The following SLC25A31 variants were observed in gnomAD, a reference collection of about 807,000 sequenced individuals.
SLC25A31 encodes solute carrier family 25 member 31, also known as ADP/ATP translocase 4.
Under a neutral mutation model 36.2 loss-of-function variants are expected in SLC25A31, and 40 were observed. The ratio of observed to expected loss-of-function variants is 1.10; its 90% CI spans 0.86 to 1.44. SLC25A31 has a LOEUF of 1.44. Among genes scored for constraint, SLC25A31 ranks in the 40% most tolerant of loss-of-function variants. The pLI is 0.00. For missense variants in SLC25A31, 350 were observed against 397.1 expected, an observed-to-expected ratio of 0.88 and a Z score of 1.01; for synonymous variants, 143 against 149.7, an observed-to-expected ratio of 0.96 and a Z score of 0.32.
Position 127,744,690 on chromosome 4 carries a change from G to T in SLC25A31, c.251G>T (p.Arg84Leu). 6.3e-7 allele frequency: 1 copy of T among 1,596,738 alleles called. No homozygotes were observed. The highest frequency in any genetic ancestry group is 8.5e-7 in the Non-Finnish European group (1 of 1,171,740). ...TCTGTAGGTTTCTTCAGTTTTTGGC[G>T]TGGCAATTTGGCAAATGTTATTCGG... ...PREQGFFSFW[R>L]GNLANVIRYF... The change falls in exon 2 of 6, where the codon CGT becomes CTT. Residue 84 changes from arginine to leucine, a missense_variant. Transcript: ENST00000281154.
At chr4:127,766,165 T>G (rs1283910500) in intron 3 of SLC25A31, among the ~76,000 whole-genome samples, 1 of 151,062 alleles carries the variant, frequency 6.6e-6, no homozygotes, top group Non-Finnish European at 1.5e-5. Flanking sequence ...TTTTTTTTTG[T>G]TTTTTGTTTT....
chr4:127,744,563 A>G (rs1731788163), intron 1 of SLC25A31, 109 bp from the exon 2 acceptor site: 3 of 966,812 alleles, frequency 3.1e-6, no homozygotes, highest in Admixed American at 5.8e-5. Context: ...TATTTTTCTC[A>G]TAAGAAAGAG....
At chr4:127,752,238 C>T (rs1016132001) in intron 2 of SLC25A31, among the ~76,000 whole-genome samples, 3 of 152,076 alleles carry the variant, frequency 2.0e-5, no homozygotes, top group African/African-American at 7.2e-5. Flanking sequence ...ACTATGCAGC[C>T]ATAAAAAATG....
chr4:127,769,687 C>A (rs1732314405), intron 5 of SLC25A31, among the ~76,000 whole-genome samples: 1 of 152,148 alleles, frequency 6.6e-6, no homozygotes, highest in Admixed American at 6.5e-5. Flanking sequence ...TTGAAGACAG[C>A]AGTTAATGGT....
At chr4:127,773,266 C>A in intron 5 of SLC25A31, 120 bp from the exon 6 acceptor site, 1 of 833,754 alleles carries the variant, frequency 1.2e-6, no homozygotes, top group Non-Finnish European at 1.8e-6. Context: ...CCATATATGC[C>A]TATTAACACA....
chr4:127,753,577 C>T lies in SLC25A31; in HGVS notation c.360+8778C>T, dbSNP rs7668793. On this transcript the variant is annotated intron_variant, in intron 2 of 5. Transcript: ENST00000281154. ...TTTATATGCCAAGTAATTATGTAGCCTGGAAGAAATGGATAAATTCATAGA... is the reference window on the plus strand; with the variant it reads ...TTTATATGCCAAGTAATTATGTAGCTTGGAAGAAATGGATAAATTCATAGA... 3.0e-3 allele frequency among the ~76,000 whole-genome samples: 463 copies of T among 152,114 alleles called. 4 individuals carry two copies. Among genetic ancestry groups the T allele is most frequent in the African/African-American group, 0.011 (447 of 41,528 alleles).
At chr4:127,753,925 A>G (rs1488646530) in intron 2 of SLC25A31, among the ~76,000 whole-genome samples, 5 of 152,148 alleles carry the variant, frequency 3.3e-5, no homozygotes, top group Non-Finnish European at 7.4e-5. Flanking sequence ...AGAAAATACT[A>G]GCAAACTGAA....
At chr4:127,766,636 T>A (rs1732250634) in intron 3 of SLC25A31, among the ~76,000 whole-genome samples, 1 of 152,094 alleles carries the variant, frequency 6.6e-6, no homozygotes. Flanking sequence ...TAATTTTTTT[T>A]ATTTTTTGTA....
intron 2 of SLC25A31, among the ~76,000 whole-genome samples, chr4:127,750,992 G>A (rs1330754115): frequency 2.0e-5 from 3 of 152,120 alleles, no homozygotes; most frequent in Admixed American, 6.6e-5. Flanking sequence ...TTGCCTATAA[G>A]AGGCTTACTT....
At chr4:127,734,536 G>T (rs2148752060) in intron 1 of SLC25A31, among the ~76,000 whole-genome samples, 1 of 139,328 alleles carries the variant, frequency 7.2e-6, no homozygotes, top group African/African-American at 2.7e-5. Context: ...CTCCATCCTG[G>T]GTACAGAGGA....
chr4:127,735,896 A>ATT (rs70966054), intron 1 of SLC25A31, among the ~76,000 whole-genome samples: 5 of 74,590 alleles, frequency 6.7e-5, no homozygotes, highest in African/African-American at 1.7e-4. Context: ...TTATTTATTT[A>ATT]TTTTTTTTTT....
At chr4:127,770,583 C>A (rs1273689491) in intron 5 of SLC25A31, among the ~76,000 whole-genome samples, 1 of 151,778 alleles carries the variant, frequency 6.6e-6, no homozygotes, top group Non-Finnish European at 1.5e-5. Context: ...CAAGATGGCG[C>A]CACTGCACTC....
rs75981796 is a variant in SLC25A31 at position 127,769,359 on chromosome 4, C to A, written c.759+482C>A. Among the ~76,000 whole-genome samples the A allele has an allele frequency of 5.1e-3, 782 of 152,168 alleles. 7 individuals are homozygous for A. Among genetic ancestry groups the A allele is most frequent in the African/African-American group, 0.018 (754 of 41,516 alleles). ...TACATTTGATCTCTATTGTTATTAC[C>A]AGTTGACCATCCCAAATCTGAAAAT... On this transcript the variant is annotated intron_variant, in intron 5 of 5. Transcript: ENST00000281154.
chr4:127,737,906 T>C (rs1731663936), intron 1 of SLC25A31, among the ~76,000 whole-genome samples: 1 of 151,984 alleles, frequency 6.6e-6, no homozygotes, highest in South Asian at 2.1e-4. Flanking sequence ...AGCAATATAA[T>C]CATAATTACA....
chr4:127,733,447 G>T (rs545861067), intron 1 of SLC25A31, among the ~76,000 whole-genome samples: 36 of 152,224 alleles, frequency 2.4e-4, no homozygotes, highest in Admixed American at 2.2e-3. Context: ...GAGAATTTTG[G>T]ATTTTTGGAT....
chr4:127,747,695 G>C (rs1824332), intron 2 of SLC25A31, among the ~76,000 whole-genome samples: 4,620 of 152,232 alleles, frequency 0.03, 300 homozygotes, highest in East Asian at 0.26. Flanking sequence ...TTGCTTTTAT[G>C]ACAGGCATTC....
intron 2 of SLC25A31, among the ~76,000 whole-genome samples, chr4:127,751,370 T>C (rs1436202064): frequency 6.6e-6 from 1 of 152,220 alleles, no homozygotes; most frequent in African/African-American, 2.4e-5. Context: ...GCTAGCCATA[T>C]GTAGAAAGCT....
chr4:127,759,429 C>T (rs1244068840), intron 2 of SLC25A31, among the ~76,000 whole-genome samples: 3 of 152,086 alleles, frequency 2.0e-5, no homozygotes, highest in African/African-American at 7.2e-5. Flanking sequence ...AATTTGACTT[C>T]CCCTTTTCCT....
intron 4 of SLC25A31, 79 bp downstream of exon 4, chr4:127,767,299 G>C: frequency 1.7e-6 from 2 of 1,168,712 alleles, no homozygotes; most frequent in Non-Finnish European, 2.3e-6. Flanking sequence ...CAGCAGATAT[G>C]TTACTTTTAA....
Sources: gnomAD v4.1 joint callset for allele counts (sites outside exome capture counted in the v4.1 genomes callset) on GRCh38, gnomAD v4.1.1 for gene constraint, MANE v1.5 for transcripts, NCBI Gene and HGNC (gene_info 2026-07-23, HGNC 2026-07-21) for gene names.